The following GPC3 variants were observed in gnomAD, a reference collection of about 807,000 sequenced individuals.
GPC3 encodes the protein glypican-3.
In GPC3, 3 loss-of-function variants were observed where a neutral mutation model predicts 34.4. The ratio of observed to expected loss-of-function variants is 0.09; its 90% CI spans 0.04 to 0.23. GPC3 has a LOEUF of 0.23. GPC3 is among the 10% of genes least tolerant of loss of function. The pLI, the probability that GPC3 is intolerant of heterozygous loss-of-function variation, is 1.00. For missense variants in GPC3, 351 were observed against 445.6 expected (o/e 0.79, Z 1.91); for synonymous variants, 177 against 174.0 (o/e 1.02, Z -0.13).
At chrX:133,628,750 T>A (rs1240775617) in intron 6 of GPC3, among the ~76,000 whole-genome samples, 4 of 111,428 alleles carry the variant, frequency 3.6e-5, no homozygotes, top group African/African-American at 1.3e-4. Flanking sequence ...GCCCTCTTTT[T>A]AAAAAATTTT....
intron 6 of GPC3, among the ~76,000 whole-genome samples, chrX:133,606,300 G>T (rs2070050604): frequency 8.9e-6 from 1 of 112,411 alleles, no homozygotes; most frequent in Admixed American, 9.4e-5. Context: ...AGTGTATAGG[G>T]TTTGATTCTT....
At chrX:133,914,199 G>A (rs1402030174) in intron 2 of GPC3, among the ~76,000 whole-genome samples, 2 of 111,006 alleles carry the variant, frequency 1.8e-5, no homozygotes, top group Non-Finnish European at 3.8e-5. Context: ...CAGGCTTCTG[G>A]GAGTCTCTAA....
At chrX:133,746,099 C>G (rs1035059223) in intron 3 of GPC3, among the ~76,000 whole-genome samples, 1 of 112,343 alleles carries the variant, frequency 8.9e-6, no homozygotes, top group African/African-American at 3.2e-5. Context: ...GGCACAAATG[C>G]TAATACTCTG....
At position 133,627,041 on chromosome X, in the gene GPC3, A is replaced by G. The variant is rs555151925; in HGVS notation, c.1414-30442T>C. ...GGACATGGATGAAGCTGAAACCATC[A>G]TTCTGAGCAAACTATCACAAGGAGA... On this transcript the variant is annotated intron_variant, in intron 6 of 7. Coordinates refer to ENST00000370818, the MANE Select transcript of GPC3 (RefSeq NM_004484.4). Among the ~76,000 whole-genome samples the G allele has an allele frequency of 1.4e-3, 146 of 107,374 alleles. No homozygotes were observed. In the South Asian group the frequency reaches 0.021, roughly 15 times the overall value. The allele number at this position is 107,374 out of a possible 115,157, so 93.2% of individuals were successfully genotyped here.
At chrX:133,916,501 T>A (rs891524276) in intron 2 of GPC3, among the ~76,000 whole-genome samples, 3 of 111,755 alleles carry the variant, frequency 2.7e-5, no homozygotes, top group Non-Finnish European at 5.6e-5. Flanking sequence ...GCCAAAATTG[T>A]TAATTTTCCC....
intron 2 of GPC3, among the ~76,000 whole-genome samples, chrX:133,857,458 T>C (rs2075909340): frequency 8.9e-6 from 1 of 111,986 alleles, no homozygotes; most frequent in Admixed American, 9.5e-5. Flanking sequence ...ATCTTCCCTT[T>C]CACCCCATGA....
chrX:133,558,804 C>T (rs1468148595), intron 7 of GPC3, among the ~76,000 whole-genome samples: 15 of 108,363 alleles, frequency 1.4e-4, no homozygotes, highest in Non-Finnish European at 5.7e-5. Flanking sequence ...GCAGGAGAAT[C>T]GCTTGAATCC....
At chrX:133,881,097 A>G (rs2076039690) in intron 2 of GPC3, among the ~76,000 whole-genome samples, 1 of 112,402 alleles carries the variant, frequency 8.9e-6, no homozygotes. Context: ...GCTGCAATTC[A>G]ATATCAGCAG....
chrX:133,952,539 A>G (rs922776131), intron 2 of GPC3, among the ~76,000 whole-genome samples: 3 of 112,215 alleles, frequency 2.7e-5, no homozygotes, highest in African/African-American at 9.7e-5. Flanking sequence ...CTTCTCTTGC[A>G]ATCATTCACA....
chrX:133,636,331 G>A lies in GPC3; in HGVS notation c.1413+25399C>T, dbSNP rs1047218714. Among the ~76,000 whole-genome samples the A allele has an allele frequency of 7.1e-5, 8 of 112,095 alleles. No individual in the cohort carries two copies. In the East Asian group the frequency reaches 1.1e-3, roughly 16 times the overall value. On this transcript the variant is annotated intron_variant, in intron 6 of 7. Coordinates refer to ENST00000370818, the MANE Select transcript of GPC3 (RefSeq NM_004484.4). The stretch of plus-strand genomic sequence containing the variant: ...GTGTCAACAGATGCGATTACCAGAT[G>A]TGAACTTTGGCCAAGGAGATCAGGG...
intron 1 of GPC3, among the ~76,000 whole-genome samples, chrX:133,984,515 C>T (rs1720295426): frequency 9.0e-6 from 1 of 111,648 alleles, no homozygotes; most frequent in Non-Finnish European, 1.9e-5. Flanking sequence ...CTTTCCTCCA[C>T]CTGAAATCAT....
intron 2 of GPC3, among the ~76,000 whole-genome samples, chrX:133,852,367 T>C (rs2075877891): frequency 9.0e-6 from 1 of 111,718 alleles, no homozygotes; most frequent in Non-Finnish European, 1.9e-5. Flanking sequence ...TAGAAAATCT[T>C]TATTGGATCT....
At chrX:133,832,724 A>G (rs1192087318) in intron 2 of GPC3, among the ~76,000 whole-genome samples, 1 of 112,252 alleles carries the variant, frequency 8.9e-6, no homozygotes, top group Non-Finnish European at 1.9e-5. Flanking sequence ...AAATTGCCAA[A>G]GGAAGTTTGA....
At chrX:133,602,769 G>A (rs185782355) in intron 6 of GPC3, among the ~76,000 whole-genome samples, 158 of 111,556 alleles carry the variant, frequency 1.4e-3, no homozygotes, top group Non-Finnish European at 2.4e-3. Flanking sequence ...TTGTATACAC[G>A]TATTGAACTA....
At chrX:133,661,194 T>C (rs957168185) in intron 6 of GPC3, among the ~76,000 whole-genome samples, 48 of 106,608 alleles carry the variant, frequency 4.5e-4, no homozygotes, top group African/African-American at 1.6e-3. Flanking sequence ...AAAACAACAA[T>C]AACAAAAAGA....
chrX:133,766,617 G>A (rs1207397130), intron 2 of GPC3, among the ~76,000 whole-genome samples: 1 of 112,017 alleles, frequency 8.9e-6, no homozygotes, highest in Non-Finnish European at 1.9e-5. Context: ...GTGAGCATGT[G>A]TGTATGTGTA....
At chrX:133,593,770 A>G (rs370790019) in intron 7 of GPC3, among the ~76,000 whole-genome samples, 1 of 110,825 alleles carries the variant, frequency 9.0e-6, no homozygotes, top group East Asian at 2.8e-4. Flanking sequence ...CTGCAATAGT[A>G]TGTGCAGGAG....
rs1456458902 is a variant in GPC3, at chrX:133,753,649, C to T, written c.865G>A (p.Val289Met). 7 of 1,210,203 alleles carry T rather than the reference C, an allele frequency of 5.8e-6. No individual in the cohort carries two copies. The highest frequency in any genetic ancestry group is 7.8e-6 in the Non-Finnish European group (7 of 895,056). The change falls in exon 3 of 8, where the codon GTG becomes ATG. Residue 289 changes from valine (V) to methionine (M), a missense_variant. Physicochemically the swap from Val to Met is conservative, Grantham distance 21. Coordinates refer to ENST00000370818, the MANE Select transcript of GPC3 (RefSeq NM_004484.4). ...CTCCAGTACTTGTCAATCTCCACCA[C>T]ACCTGCCATACAGCCTTGCATGACC... Reference protein sequence around the residue: ...NVVMQGCMAGVVEIDKYWREY... With the variant: ...NVVMQGCMAGMVEIDKYWREY...
At chrX:133,780,259 A>G (rs1479755580) in intron 2 of GPC3, among the ~76,000 whole-genome samples, 1 of 111,812 alleles carries the variant, frequency 8.9e-6, no homozygotes, top group Non-Finnish European at 1.9e-5. Flanking sequence ...TTTCTCTTTA[A>G]TCTTAAGGAA....
Sources: allele counts gnomAD v4.1 joint callset (sites outside exome capture counted in the v4.1 genomes callset), GRCh38; gene constraint gnomAD v4.1.1; transcripts MANE v1.5; gene names NCBI Gene and HGNC (gene_info 2026-07-23, HGNC 2026-07-21).